CCDC191: variants seen among roughly 807,000 people sequenced by gnomAD.
The protein encoded by CCDC191 is coiled-coil domain-containing protein 191.
In CCDC191, 99 loss-of-function variants were observed where a neutral mutation model predicts 114.0. The ratio of observed to expected loss-of-function variants is 0.87; its 90% CI spans 0.74 to 1.03. The LOEUF is 1.03. Among genes scored for constraint, CCDC191 ranks in the 50% least tolerant of loss-of-function variants. The pLI is 0.00. For synonymous variants in CCDC191, 351 were observed against 376.0 expected, an observed-to-expected ratio of 0.93 and a Z score of 0.77; for missense variants, 973 against 1,087.0, an observed-to-expected ratio of 0.90 and a Z score of 1.47.
In CCDC191 at chr3:114,036,968, TA is replaced by T. The variant is rs2076494071; in HGVS notation, c.416-183del. The T allele has an allele frequency of 1.8e-5, 6 of 325,972 alleles. No individual in the cohort carries two copies. In the Admixed American group the frequency reaches 2.4e-4, roughly 13 times the overall value. The allele number at this position is 325,972 out of a possible 1,614,324, so 20.2% of individuals were successfully genotyped here. A position where few individuals can be genotyped will look rare whatever the true frequency, so the allele number is the denominator to read the frequency against. On this transcript the variant is annotated intron_variant, in intron 4 of 16. Transcript: ENST00000295878. ...CTCAGCAGTTACCTTCAACTAAGAA[TA>T]AAAAAGCTCCACTTACCAAGAATTG...
chr3:113,966,147 T>C (rs1308286623), intron 16 of CCDC191, among the ~76,000 whole-genome samples: 2 of 152,134 alleles, frequency 1.3e-5, no homozygotes, highest in East Asian at 3.8e-4. Flanking sequence ...CCTCAGTGCG[T>C]AGACATATTT....
intron 9 of CCDC191, among the ~76,000 whole-genome samples, chr3:114,007,235 T>A (rs184570642): frequency 1.3e-5 from 2 of 152,338 alleles, no homozygotes; most frequent in Admixed American, 1.3e-4. Context: ...GTCCATGTTC[T>A]AAGGTCTAAG....
At chr3:113,981,731 C>G (rs1466431747) in intron 13 of CCDC191, among the ~76,000 whole-genome samples, 1 of 152,256 alleles carries the variant, frequency 6.6e-6, no homozygotes, top group Non-Finnish European at 1.5e-5. Context: ...AGAAACATTA[C>G]AGAGAGAGCA....
At chr3:114,031,908 A>C in intron 6 of CCDC191, 129 bp from the exon 7 acceptor site, 1 of 568,708 alleles carries the variant, frequency 1.8e-6, no homozygotes, top group Middle Eastern at 4.7e-4. Flanking sequence ...TCTGGCTCTA[A>C]AACTACATAG....
At chr3:113,985,946 A>C (rs781746077) in intron 13 of CCDC191, among the ~76,000 whole-genome samples, 4 of 152,226 alleles carry the variant, frequency 2.6e-5, no homozygotes, top group Non-Finnish European at 5.9e-5. Context: ...ACCCAAAGAC[A>C]AGAAATAAAT....
intron 13 of CCDC191, among the ~76,000 whole-genome samples, chr3:113,982,539 G>A (rs1577342207): frequency 6.6e-6 from 1 of 152,112 alleles, no homozygotes; most frequent in East Asian, 1.9e-4. Context: ...GATCACTGAG[G>A]CTAAAAAGGG....
chr3:114,052,810 C>T (rs983090297), intron 2 of CCDC191, among the ~76,000 whole-genome samples: 11 of 152,156 alleles, frequency 7.2e-5, no homozygotes, highest in Admixed American at 5.2e-4. Flanking sequence ...ATCTGGTGCT[C>T]ATGATGCATG....
intron 11 of CCDC191, chr3:114,003,947 A>C (rs2075899552): frequency 1.0e-6 from 1 of 985,320 alleles, no homozygotes; most frequent in Admixed American, 6.2e-5. Context: ...GTTCTGAAGA[A>C]TGCTTCTATT....
At chr3:114,033,798 G>C (rs186863459) in intron 6 of CCDC191, among the ~76,000 whole-genome samples, 107 of 152,338 alleles carry the variant, frequency 7.0e-4, no homozygotes, top group Non-Finnish European at 1.3e-3. Flanking sequence ...ATGGCATCTG[G>C]AGGAAGCCTC....
chr3:113,966,839 C>G (rs962955392), intron 16 of CCDC191, among the ~76,000 whole-genome samples: 1 of 152,098 alleles, frequency 6.6e-6, no homozygotes, highest in Non-Finnish European at 1.5e-5. Flanking sequence ...TGGGTCACAC[C>G]TGTAATCCCA....
intron 3 of CCDC191, among the ~76,000 whole-genome samples, chr3:114,045,145 A>G (rs1333749066): frequency 3.3e-5 from 5 of 152,124 alleles, no homozygotes; most frequent in Non-Finnish European, 5.9e-5. Flanking sequence ...CAAAACCCTT[A>G]ACAGGCTAAA....
intron 7 of CCDC191, among the ~76,000 whole-genome samples, chr3:114,019,954 G>A (rs752445496): frequency 2.0e-5 from 3 of 152,090 alleles, no homozygotes; most frequent in Non-Finnish European, 2.9e-5. Context: ...CCCCTAGACT[G>A]TGAGCCTCCT....
intron 15 of CCDC191, chr3:113,978,556 A>G (rs1486362198): frequency 1.7e-6 from 1 of 598,810 alleles, no homozygotes. Context: ...TGAAGGGGTA[A>G]GTTTCTAAAT....
chr3:113,972,438 T>C (rs1940918636), intron 16 of CCDC191, among the ~76,000 whole-genome samples: 1 of 152,188 alleles, frequency 6.6e-6, no homozygotes, highest in Non-Finnish European at 1.5e-5. Flanking sequence ...TCAGAATAGA[T>C]ACTTGATACA....
Position 114,001,664 on chromosome 3 carries a change from C to T in CCDC191, c.2094G>A (p.Gln698=). The T allele has an allele frequency of 1.2e-6, 2 of 1,613,940 alleles. 1 individual carries two copies. The highest frequency in any genetic ancestry group is 2.2e-5 in the South Asian group (2 of 91,078). Residue 698 remains glutamine (Q), a synonymous_variant, in exon 13 of 17, where the codon CAG becomes CAA. Transcript: ENST00000295878. Reference sequence around the variant, plus strand: ...CCTCCTTTTCTTCTGCCTCCCTTTTCTGACGTTCCTCCTCTTGGGCCTTTA... The same window carrying T: ...CCTCCTTTTCTTCTGCCTCCCTTTTTTGACGTTCCTCCTCTTGGGCCTTTA... ...AQLKAQEEER[Q]KREAEEKEAQ...
chr3:113,996,161 C>A (rs566482770), intron 13 of CCDC191, among the ~76,000 whole-genome samples: 121 of 152,218 alleles, frequency 7.9e-4, no homozygotes, highest in African/African-American at 2.7e-3. Context: ...GCTTTTGTTG[C>A]AATTGCTATT....
chr3:114,049,906 CT>C (rs1378458836), intron 2 of CCDC191, among the ~76,000 whole-genome samples: 3 of 152,028 alleles, frequency 2.0e-5, no homozygotes, highest in African/African-American at 7.2e-5. Context: ...TCAGCAAGTC[CT>C]GATTGAAGGC....
Position 114,050,243 on chromosome 3 carries a change from T to C in CCDC191, c.129+3354A>G, listed in dbSNP as rs1170495897. ...CCCATGGTCCACTACAGATCCTTTG[T>C]AGCCTAGCAACATGGATGGCAGAGA... On this transcript the variant is annotated intron_variant, in intron 2 of 16. Coordinates refer to ENST00000295878, the MANE Select transcript of CCDC191 (RefSeq NM_020817.2). 2.6e-5 allele frequency among the ~76,000 whole-genome samples: 4 copies of C among 152,252 alleles called. No individual in the cohort carries two copies. The East Asian group carries it at 7.7e-4, about 29-fold the overall frequency.
chr3:114,052,409 C>T (rs2076709231), intron 2 of CCDC191, among the ~76,000 whole-genome samples: 1 of 152,170 alleles, frequency 6.6e-6, no homozygotes, highest in South Asian at 2.1e-4. Flanking sequence ...AGGGACTTGG[C>T]ACTGGGACTC....
Sources: allele counts gnomAD v4.1 joint callset (sites outside exome capture counted in the v4.1 genomes callset), GRCh38; gene constraint gnomAD v4.1.1; transcripts MANE v1.5; gene names NCBI Gene and HGNC (gene_info 2026-07-23, HGNC 2026-07-21).